The following RNF38 variants were observed in gnomAD, a reference collection of about 807,000 sequenced individuals.
The protein encoded by RNF38 is ring finger protein 38, also known as E3 ubiquitin-protein ligase RNF38.
Under a neutral mutation model 67.2 loss-of-function variants are expected in RNF38, and 15 were observed. The observed-to-expected ratio is 0.22, with a 90% CI of 0.15 to 0.34. The LOEUF is 0.34. Ranked by LOEUF, RNF38 falls within the 10% of genes least tolerant of loss-of-function variation. RNF38 has a pLI of 1.00. For missense variants in RNF38, 524 were observed against 639.9 expected, an observed-to-expected ratio of 0.82 and a Z score of 1.95; for synonymous variants, 220 against 218.8, an observed-to-expected ratio of 1.01 and a Z score of -0.05.
At chr9:36,359,574 A>T (rs1427483195) in intron 4 of RNF38, among the ~76,000 whole-genome samples, 1 of 152,132 alleles carries the variant, frequency 6.6e-6, no homozygotes, top group Non-Finnish European at 1.5e-5. Flanking sequence ...TGGAAGAGTT[A>T]GCATCTGGTA....
At chr9:36,432,359 A>C (rs1252916627) in intron 1 of RNF38, among the ~76,000 whole-genome samples, 1 of 151,998 alleles carries the variant, frequency 6.6e-6, no homozygotes, top group Non-Finnish European at 1.5e-5. Context: ...GGTCTGGAAC[A>C]CCAGACCTCG....
intron 11 of RNF38, among the ~76,000 whole-genome samples, chr9:36,340,411 G>A (rs1476234560): frequency 6.6e-6 from 1 of 152,154 alleles, no homozygotes; most frequent in African/African-American, 2.4e-5. Context: ...TTTGAGACAG[G>A]GTTAAACCCT....
At chr9:36,367,038 C>T (rs941035805) in intron 4 of RNF38, among the ~76,000 whole-genome samples, 32 of 152,258 alleles carry the variant, frequency 2.1e-4, no homozygotes, top group African/African-American at 7.5e-4. Context: ...CCAGATATCC[C>T]TGTATTCTGG....
At position 36,423,948 on chromosome 9, in the gene RNF38, C is replaced by CAA. The variant is rs1176900248; in HGVS notation, n.312+663_312+664dup. ...TGGGCGACAGAGCGAGACTCCGTCTCAAAAAAAAAAAAAAAAAAAAAAAAA... is the reference window on the plus strand; with the variant it reads ...TGGGCGACAGAGCGAGACTCCGTCTCAAAAAAAAAAAAAAAAAAAAAAAAAAA... On this transcript the variant is annotated intron_variant and non_coding_transcript_variant, in intron 2 of 3. Coordinates refer to the RNF38 transcript ENST00000488058. Among the ~76,000 whole-genome samples the CAA allele has an allele frequency of 1.0e-2, 73 of 7,336 alleles. 4 individuals are homozygous for CAA. The highest frequency in any genetic ancestry group is 0.016 in the African/African-American group (36 of 2,282). 4.8% of individuals were successfully genotyped at this position (7,336 alleles called of 152,430 possible). A position where few individuals can be genotyped will look rare whatever the true frequency, so the allele number is the denominator to read the frequency against.
chr9:36,452,941 GAAT>G (rs1839492716), intron 1 of RNF38, among the ~76,000 whole-genome samples: 1 of 152,158 alleles, frequency 6.6e-6, no homozygotes, highest in African/African-American at 2.4e-5. Context: ...CAGCTATAAT[GAAT>G]AATGATCAAT....
In RNF38 at chr9:36,420,328, C is replaced by T. The variant is rs146163315; in HGVS notation, n.312+4285G>A. The stretch of plus-strand genomic sequence containing the variant: ...CGGGTGGGTCACGAGGTCAGGAGAT[C>T]GAGACCATCCTGGCTAACACAGTGA... On this transcript the variant is annotated intron_variant and non_coding_transcript_variant, in intron 2 of 3. Coordinates refer to the RNF38 transcript ENST00000488058. 8.3e-3 allele frequency among the ~76,000 whole-genome samples: 1,253 copies of T among 151,872 alleles called. 16 individuals carry two copies. The highest frequency in any genetic ancestry group is 0.029 in the African/African-American group (1,197 of 41,418).
chr9:36,415,806 T>G (rs116122184), intron 2 of RNF38, among the ~76,000 whole-genome samples: 1 of 152,242 alleles, frequency 6.6e-6, no homozygotes, highest in South Asian at 2.1e-4. Flanking sequence ...GGCAGTGAAG[T>G]TGTAACATGG....
chr9:36,362,791 A>G (rs1834659864), intron 4 of RNF38, among the ~76,000 whole-genome samples: 1 of 151,780 alleles, frequency 6.6e-6, no homozygotes, highest in African/African-American at 2.4e-5. Context: ...GCATCACCAC[A>G]CCCAGCTAAT....
chr9:36,433,050 G>T (rs1396457275), intron 1 of RNF38, among the ~76,000 whole-genome samples: 2 of 151,978 alleles, frequency 1.3e-5, no homozygotes, highest in Non-Finnish European at 2.9e-5. Context: ...GTAAATTGCT[G>T]CTGTGATTTC....
intron 1 of RNF38, among the ~76,000 whole-genome samples, chr9:36,476,377 G>A (rs1175134704): frequency 6.6e-6 from 1 of 151,838 alleles, no homozygotes; most frequent in East Asian, 1.9e-4. Flanking sequence ...CTCCCAAAGT[G>A]CTAGGATTAT....
At chr9:36,400,074 C>T in intron 1 of RNF38, 23 bp downstream of exon 1, 1 of 1,607,030 alleles carries the variant, frequency 6.2e-7, no homozygotes, top group African/African-American at 1.3e-5. Flanking sequence ...ATCATTTTTG[C>T]AACACAAAGA....
chr9:36,361,279 G>C (rs1045864132), intron 4 of RNF38, among the ~76,000 whole-genome samples: 3 of 151,896 alleles, frequency 2.0e-5, no homozygotes, highest in Non-Finnish European at 2.9e-5. Context: ...AGCCTCCCGA[G>C]TACCTGGGAC....
chr9:36,467,242 T>A lies in RNF38; in HGVS notation n.241+20066A>T, dbSNP rs1040667080. On this transcript the variant is annotated intron_variant and non_coding_transcript_variant, in intron 1 of 3. Coordinates refer to the RNF38 transcript ENST00000488058. ...CATATATATATATATAATATATATA[T>A]ATACACACACACACACATATACACA... Among the ~76,000 whole-genome samples, 9 of 99,208 alleles carry A rather than the reference T, an allele frequency of 9.1e-5. No individual in the cohort carries two copies. In the East Asian group the frequency reaches 2.7e-3, roughly 29 times the overall value. 65.1% of individuals were successfully genotyped at this position (99,208 alleles called of 152,430 possible).
chr9:36,364,398 T>C (rs1018426122), intron 4 of RNF38, among the ~76,000 whole-genome samples: 4 of 151,338 alleles, frequency 2.6e-5, no homozygotes, highest in African/African-American at 9.8e-5. Context: ...TCAACCATTA[T>C]ATGTGTATTT....
At chr9:36,346,554 T>C (rs1285079237) in intron 9 of RNF38, among the ~76,000 whole-genome samples, 1 of 152,206 alleles carries the variant, frequency 6.6e-6, no homozygotes, top group Non-Finnish European at 1.5e-5. Flanking sequence ...ATAACTCATT[T>C]GGTTTATCTC....
intron 1 of RNF38, among the ~76,000 whole-genome samples, chr9:36,394,168 G>C (rs1315951157): frequency 6.6e-6 from 1 of 152,152 alleles, no homozygotes; most frequent in Admixed American, 6.5e-5. Flanking sequence ...CCAGCTACTT[G>C]GGAGGCTGAG....
intron 1 of RNF38, among the ~76,000 whole-genome samples, chr9:36,465,999 C>A (rs1587190640): frequency 6.6e-6 from 1 of 152,188 alleles, no homozygotes; most frequent in East Asian, 1.9e-4. Context: ...TTGCAGTGAG[C>A]CGAGATCGGG....
In RNF38 at chr9:36,370,857, T is replaced by C. The variant is rs938038825; in HGVS notation, c.357-925A>G. 9.9e-5 allele frequency among the ~76,000 whole-genome samples: 15 copies of C among 151,840 alleles called. No homozygotes were observed. In the East Asian group the frequency reaches 1.9e-3, roughly 20 times the overall value. On this transcript the variant is annotated intron_variant, in intron 3 of 11. Coordinates refer to ENST00000259605, the MANE Select transcript of RNF38 (RefSeq NM_022781.5). ...CTGGAAGGCCGAGGCTGTAGTGAGCTGAGATCACGCCACTGCACTCCAGCC... is the reference window on the plus strand; with the variant it reads ...CTGGAAGGCCGAGGCTGTAGTGAGCCGAGATCACGCCACTGCACTCCAGCC...
At position 36,344,913 on chromosome 9, in the gene RNF38, G is replaced by C; in HGVS notation, c.1304C>G (p.Pro435Arg). 6.2e-7 allele frequency: 1 copy of C among 1,613,964 alleles called. No individual in the cohort carries two copies. The highest frequency in any genetic ancestry group is 8.5e-7 in the Non-Finnish European group (1 of 1,179,824). Residue 435 changes from proline to arginine, a missense_variant, in exon 10 of 12, where the codon CCT (proline) becomes CGT (arginine). Pro to Arg is a moderately radical substitution (Grantham distance 103). Transcript: ENST00000259605. ...AATATCTGCTTTAGTCAGTCCACGA[G>C]GCTTTGCCTCTCCCAGTCGCTCTGC... ...NLAERLGEAK[P>R]RGLTKADIEQ...
Sources: allele counts gnomAD v4.1 joint callset (sites outside exome capture counted in the v4.1 genomes callset), GRCh38; gene constraint gnomAD v4.1.1; transcripts MANE v1.5; gene names NCBI Gene and HGNC (gene_info 2026-07-23, HGNC 2026-07-21).